SLC22A6: variants seen among roughly 807,000 people sequenced by gnomAD.
The protein encoded by SLC22A6 is PAH transporter.
SLC22A6 carries 45 observed loss-of-function variants against 56.7 expected under a neutral mutation model. The ratio of observed to expected loss-of-function variants is 0.79; its 90% CI spans 0.63 to 1.02. The LOEUF is 1.02. Ranked by LOEUF, SLC22A6 falls within the 50% of genes least tolerant of loss-of-function variation. The pLI is 0.00. For missense variants in SLC22A6, 606 were observed against 713.8 expected, an observed-to-expected ratio of 0.85 and a Z score of 1.72; for synonymous variants, 291 against 295.9, an observed-to-expected ratio of 0.98 and a Z score of 0.17.
chr11:62,983,713 G>A lies in SLC22A6; in HGVS notation c.474-22C>T. On this transcript the variant is annotated intron_variant, in intron 2 of 9. Coordinates refer to ENST00000360421, the MANE Select transcript of SLC22A6 (RefSeq NM_153276.3). The surrounding 1 kb of genome is among the most constrained non-coding windows in gnomAD (Gnocchi z 4.5). ...TAGCCTGTGGGAGGAGGGGAGACTT[G>A]TAGCAGGGCCCTGGAGACTGATGGG... 1 of 1,597,992 alleles carries A rather than the reference G, an allele frequency of 6.3e-7. No homozygotes were observed. Among genetic ancestry groups the A allele is most frequent in the Non-Finnish European group, 8.5e-7 (1 of 1,172,302 alleles).
chr11:62,977,580 A>C (rs1166983880), intron 8 of SLC22A6, among the ~76,000 whole-genome samples, 193 bp from the exon 9 acceptor site: 1 of 151,966 alleles, frequency 6.6e-6, no homozygotes, highest in African/African-American at 2.4e-5. Context: ...CTGTGTTGCC[A>C]GGGCTGGTCT....
chr11:62,979,787 G>A lies in SLC22A6; in HGVS notation c.1199C>T (p.Ala400Val). 1 of 1,614,210 alleles carries A rather than the reference G, an allele frequency of 6.2e-7. No individual in the cohort carries two copies. Among genetic ancestry groups the A allele is most frequent in the South Asian group, 1.1e-5 (1 of 91,090 alleles). The change falls in exon 7 of 10, where the codon GCT (alanine) becomes GTT (valine). Residue 400 changes from alanine to valine, a missense_variant. Coordinates refer to ENST00000360421, the MANE Select transcript of SLC22A6 (RefSeq NM_153276.3). ...GCAGATGCCTGCCAGCAGCAGTGCA[G>A]CCATCTGGGCAGGCCGGCGACCCAG... is the stretch of plus-strand genomic sequence containing the variant. The part of the protein sequence containing the change: ...NSLGRRPAQM[A>V]ALLLAGICIL...
chr11:62,984,264 T>TTA, intron 1 of SLC22A6, 58 bp downstream of exon 1: 5 of 1,513,152 alleles, frequency 3.3e-6, no homozygotes, highest in Non-Finnish European at 4.4e-6. Context: ...TTTTTTTTTT[T>TTA]AACAAAGGCC....
At position 62,983,586 on chromosome 11, in the gene SLC22A6, G is replaced by A; in HGVS notation, c.579C>T (p.Leu193=). Residue 193 remains leucine, a synonymous_variant, in exon 3 of 10, where the codon CTC becomes CTT. Coordinates refer to ENST00000360421, the MANE Select transcript of SLC22A6 (RefSeq NM_153276.3). This position sits in a 1 kb window ranked among gnomAD's most constrained non-coding sequence, Gnocchi z 4.5. The part of the protein sequence containing the change: ...PNFPIYCAFR[L]LSGMALAGIS... ...TGCCAGCCAGAGCCATGCCCGAGAG[G>A]AGCCGGAAGGCGCAGTAGATGGGGA... is the stretch of plus-strand genomic sequence containing the variant. The A allele has an allele frequency of 6.3e-7, 1 of 1,584,840 alleles. No homozygotes were observed. The highest frequency in any genetic ancestry group is 8.6e-7 in the Non-Finnish European group (1 of 1,165,396).
chr11:62,981,158 T>G, intron 5 of SLC22A6, 58 bp from the exon 6 acceptor site: 1 of 1,603,938 alleles, frequency 6.2e-7, no homozygotes, highest in Non-Finnish European at 8.5e-7. Context: ...CCTCCCAGCC[T>G]AATCCCTTAC....
chr11:62,984,275 C>T lies in SLC22A6; in HGVS notation c.369+47G>A, dbSNP rs759293641. On this transcript the variant is annotated intron_variant, in intron 1 of 9. Transcript: ENST00000360421. The stretch of plus-strand genomic sequence containing the variant: ...TTTTTTTTTTTTTTTAACAAAGGCC[C>T]CCATCTTCCCATCTTGGCCCCTGGA... 22 of 1,578,050 alleles carry T rather than the reference C, an allele frequency of 1.4e-5. No homozygotes were observed. In the South Asian group the frequency reaches 2.1e-4, roughly 15 times the overall value.
chr11:62,978,493 G>T (rs144244954), intron 8 of SLC22A6, among the ~76,000 whole-genome samples: 1 of 151,442 alleles, frequency 6.6e-6, no homozygotes, highest in East Asian at 1.9e-4. Flanking sequence ...GACTACAGGT[G>T]TGTGCCACTA....
In SLC22A6 at chr11:62,981,107, G is replaced by A. The variant is rs1440508227; in HGVS notation, c.922-7C>T. ...GCAGACTGGCCCGGAGTACCTGCTG[G>A]GACCGGCAGAGCTCAGGGCCCGGGA... On this transcript the variant is annotated splice_polypyrimidine_tract_variant and splice_region_variant and intron_variant, in intron 5 of 9. Transcript: ENST00000360421. 4 of 1,610,940 alleles carry A rather than the reference G, an allele frequency of 2.5e-6. No homozygotes were observed. Among genetic ancestry groups the A allele is most frequent in the Admixed American group, 1.7e-5 (1 of 59,878 alleles).
rs1292353850 is a variant in SLC22A6, at chr11:62,977,169, T to G, written c.1565+15A>C. ...CCTGGGATATATCCCTGCTTCTTTCTGAGTGGGGGCCCACCTGCTCTCCAG... is the reference window on the plus strand; with the variant it reads ...CCTGGGATATATCCCTGCTTCTTTCGGAGTGGGGGCCCACCTGCTCTCCAG... On this transcript the variant is annotated intron_variant, in intron 9 of 9. Transcript: ENST00000360421. The G allele has an allele frequency of 6.2e-7, 1 of 1,614,176 alleles. No homozygotes were observed. The highest frequency in any genetic ancestry group is 8.5e-7 in the Non-Finnish European group (1 of 1,180,036).
At chr11:62,984,139 C>T (rs2086288929) in intron 1 of SLC22A6, 92 bp from the exon 2 acceptor site, 1 of 1,182,120 alleles carries the variant, frequency 8.5e-7, no homozygotes, top group African/African-American at 1.5e-5. Context: ...GGGTCCATGT[C>T]ACCCTCTTCC....
intron 7 of SLC22A6, 63 bp from the exon 8 acceptor site, chr11:62,979,659 C>T (rs1189214991): frequency 7.5e-6 from 12 of 1,592,456 alleles, no homozygotes; most frequent in Admixed American, 6.7e-5. Context: ...AATTGGCCCC[C>T]TCCCTTCTGA....
chr11:62,984,242 C>T, intron 1 of SLC22A6, 80 bp downstream of exon 1: 7 of 1,458,566 alleles, frequency 4.8e-6, no homozygotes, highest in Non-Finnish European at 6.5e-6. Context: ...GTTAATTTCT[C>T]CATGTACTTT....
At position 62,977,176 on chromosome 11, in the gene SLC22A6, G is replaced by A. The variant is rs778349807; in HGVS notation, c.1565+8C>T. 1 of 1,614,170 alleles carries A rather than the reference G, an allele frequency of 6.2e-7. No individual in the cohort carries two copies. The highest frequency in any genetic ancestry group is 8.5e-7 in the Non-Finnish European group (1 of 1,180,038). ...TATATCCCTGCTTCTTTCTGAGTGG[G>A]GGCCCACCTGCTCTCCAGGTCCTGC... On this transcript the variant is annotated splice_region_variant and intron_variant, in intron 9 of 9. Transcript: ENST00000360421.
Position 62,977,338 on chromosome 11 carries a change from C to A in SLC22A6, c.1411G>T (p.Val471Leu), listed in dbSNP as rs533842796. ...GSTMARVGSI[V>L]SPLVSMTAEL... The stretch of plus-strand genomic sequence containing the variant: ...GCAGTCATGCTCACCAGTGGGCTCA[C>A]GATGCTGCCCACTCGGGCCATGGTG... The change falls in exon 9 of 10, where the codon GTG (valine) becomes TTG (leucine). Residue 471 changes from valine to leucine, a missense_variant. Val to Leu is a conservative substitution (Grantham distance 32). Transcript: ENST00000360421. 3 of 1,613,076 alleles carry A rather than the reference C, an allele frequency of 1.9e-6. No individual in the cohort carries two copies. The highest frequency in any genetic ancestry group is 1.7e-5 in the Admixed American group (1 of 59,992).
rs1389376245 is a variant in SLC22A6, at chr11:62,979,474, A to G, written c.1361+14T>C. The G allele has an allele frequency of 6.7e-7, 1 of 1,490,342 alleles. No homozygotes were observed. Among genetic ancestry groups the G allele is most frequent in the South Asian group, 1.1e-5 (1 of 88,654 alleles). 92.3% of individuals were successfully genotyped at this position (1,490,342 alleles called of 1,614,324 possible). A position where few individuals can be genotyped will look rare whatever the true frequency, so the allele number is the denominator to read the frequency against. On this transcript the variant is annotated intron_variant, in intron 8 of 9. Coordinates refer to ENST00000360421, the MANE Select transcript of SLC22A6 (RefSeq NM_153276.3). ...AGGAAAAGGCTGTCATTCTCCCATT[A>G]GGCTCCCACTCACCGGATCATTGTG...
Position 62,981,077 on chromosome 11 carries a change from C to T in SLC22A6, c.945G>A (p.Lys315=). 1 of 1,612,340 alleles carries T rather than the reference C, an allele frequency of 6.2e-7. No individual in the cohort carries two copies. Among genetic ancestry groups the T allele is most frequent in the Non-Finnish European group, 8.5e-7 (1 of 1,178,718 alleles). Residue 315 remains lysine, a synonymous_variant, in exon 6 of 10, where the codon AAG becomes AAA. Transcript: ENST00000360421. ...SMEVLRASLQ[K]ELTMGKGQAS... is the part of the protein sequence containing the mutation. ...CCTGGCCTTTGCCCATGGTCAGCTC[C>T]TTCTGCAGACTGGCCCGGAGTACCT...
At position 62,977,398 on chromosome 11, in the gene SLC22A6, C is replaced by A. The variant is rs745672923; in HGVS notation, c.1362-11G>T. Reference sequence around the variant, plus strand: ...CCCATGCCTGTCTGCCTGCAGGGCCCGCAGCAGATGGGTGTTGGTTAGAGT... The same window carrying A: ...CCCATGCCTGTCTGCCTGCAGGGCCAGCAGCAGATGGGTGTTGGTTAGAGT... On this transcript the variant is annotated splice_polypyrimidine_tract_variant and intron_variant, in intron 8 of 9. Coordinates refer to ENST00000360421, the MANE Select transcript of SLC22A6 (RefSeq NM_153276.3). The A allele has an allele frequency of 1.2e-6, 2 of 1,603,000 alleles. No homozygotes were observed. Among genetic ancestry groups the A allele is most frequent in the African/African-American group, 2.7e-5 (2 of 74,832 alleles).
At position 62,981,916 on chromosome 11, in the gene SLC22A6, G is replaced by A; in HGVS notation, c.723C>T (p.Ala241=). 1.2e-6 allele frequency: 2 copies of A among 1,614,134 alleles called. No homozygotes were observed. Among genetic ancestry groups the A allele is most frequent in the Non-Finnish European group, 1.7e-6 (2 of 1,180,016 alleles). Residue 241 remains alanine (A), a synonymous_variant, in exon 4 of 10, where the codon GCC becomes GCT. Coordinates refer to ENST00000360421, the MANE Select transcript of SLC22A6 (RefSeq NM_153276.3). ...GGTGGCGCCAGTGGGGCACAGCGTA[G>A]GCCACACCAGCCAGGAGGAACTGGC... The part of the protein sequence containing the change: ...SLGQFLLAGV[A]YAVPHWRHLQ...
chr11:62,977,406 ATGGGTG>A lies in SLC22A6; in HGVS notation c.1362-25_1362-20del. 1 of 1,599,050 alleles carries A rather than the reference ATGGGTG, an allele frequency of 6.3e-7. No individual in the cohort carries two copies. Among genetic ancestry groups the A allele is most frequent in the Non-Finnish European group, 8.5e-7 (1 of 1,176,526 alleles). On this transcript the variant is annotated intron_variant, in intron 8 of 9. Coordinates refer to ENST00000360421, the MANE Select transcript of SLC22A6 (RefSeq NM_153276.3). ...TGTCTGCCTGCAGGGCCCGCAGCAG[ATGGGTG>A]TTGGTTAGAGTTCCAGCATGAATGC...
Sources: allele counts gnomAD v4.1 joint callset (sites outside exome capture counted in the v4.1 genomes callset), GRCh38; gene constraint gnomAD v4.1.1; non-coding constraint Gnocchi (gnomAD v3.1); transcripts MANE v1.5; gene names NCBI Gene and HGNC (gene_info 2026-07-23, HGNC 2026-07-21).